Variants in RAB27B observed in about 807,000 individuals in gnomAD.
RAB27B encodes RAB27B, member RAS oncogene family, also known as ras-related protein Rab-27B.
In RAB27B, 15 loss-of-function variants were observed where a neutral mutation model predicts 24.6. That is an observed-to-expected ratio of 0.61 (90% CI 0.41 to 0.94). RAB27B has a LOEUF of 0.94. RAB27B is among the 40% of genes least tolerant of loss of function. The pLI, the probability that RAB27B is intolerant of heterozygous loss-of-function variation, is 0.00. For missense variants in RAB27B, 261 were observed against 266.8 expected (o/e 0.98, Z 0.15); for synonymous variants, 105 against 92.5 (o/e 1.14, Z -0.78).
At chr18:54,784,468 G>T (rs1909017184) in intron 2 of RAB27B, among the ~76,000 whole-genome samples, 1 of 152,048 alleles carries the variant, frequency 6.6e-6, no homozygotes, top group South Asian at 2.1e-4. Flanking sequence ...TCCCCATTTT[G>T]GAGTTCTCAG....
chr18:54,885,293 T>A (rs987630968), intron 4 of RAB27B, among the ~76,000 whole-genome samples: 43 of 152,274 alleles, frequency 2.8e-4, no homozygotes, highest in Non-Finnish European at 3.7e-4. Flanking sequence ...AGAGTTGTAT[T>A]TTTTAAAAAC....
chr18:54,830,318 A>G (rs1644282457), intron 1 of RAB27B, among the ~76,000 whole-genome samples: 1 of 152,232 alleles, frequency 6.6e-6, no homozygotes, highest in African/African-American at 2.4e-5. Context: ...GGTAGTTCAG[A>G]ATAGAAACCT....
At chr18:54,861,267 A>G (rs897511628) in intron 1 of RAB27B, among the ~76,000 whole-genome samples, 1 of 152,238 alleles carries the variant, frequency 6.6e-6, no homozygotes, top group African/African-American at 2.4e-5. Context: ...TCATTTTATT[A>G]AACAAGCCAT....
intron 2 of RAB27B, among the ~76,000 whole-genome samples, chr18:54,789,981 C>T (rs1478235507): frequency 6.6e-6 from 1 of 151,980 alleles, no homozygotes; most frequent in African/African-American, 2.4e-5. Flanking sequence ...TTAATTGATC[C>T]ATCAATTCAT....
At chr18:54,861,479 G>A (rs1912006171) in intron 1 of RAB27B, among the ~76,000 whole-genome samples, 1 of 152,112 alleles carries the variant, frequency 6.6e-6, no homozygotes, top group South Asian at 2.1e-4. Context: ...GTGCTGTTTA[G>A]CCCATTGAAT....
intron 2 of RAB27B, among the ~76,000 whole-genome samples, chr18:54,820,936 G>A (rs1422673318): frequency 6.6e-6 from 1 of 152,142 alleles, no homozygotes; most frequent in African/African-American, 2.4e-5. Context: ...TAGATATGCG[G>A]CATTATTTCT....
chr18:54,767,684 T>C (rs1908408664), intron 2 of RAB27B, among the ~76,000 whole-genome samples: 2 of 152,218 alleles, frequency 1.3e-5, no homozygotes, highest in Non-Finnish European at 2.9e-5. Flanking sequence ...TTCCATGTGG[T>C]CTGTCCACAA....
At chr18:54,813,398 T>C (rs957171613) in intron 2 of RAB27B, among the ~76,000 whole-genome samples, 1 of 152,240 alleles carries the variant, frequency 6.6e-6, no homozygotes, top group Non-Finnish European at 1.5e-5. Context: ...GATCCCCAGG[T>C]TGACAGTGGG....
At chr18:54,813,894 T>C (rs972261253) in intron 2 of RAB27B, among the ~76,000 whole-genome samples, 2 of 152,152 alleles carry the variant, frequency 1.3e-5, no homozygotes, top group South Asian at 4.2e-4. Flanking sequence ...GGATAATTAG[T>C]TGGTAAGGTC....
chr18:54,776,074 A>G (rs1247237309), intron 2 of RAB27B, among the ~76,000 whole-genome samples: 1 of 152,250 alleles, frequency 6.6e-6, no homozygotes, highest in African/African-American at 2.4e-5. Flanking sequence ...ATTTGTTTGC[A>G]AATTAAATTG....
Position 54,786,166 on chromosome 18 carries a change from T to C in RAB27B, c.-20+68025T>C, listed in dbSNP as rs570215826. Among the ~76,000 whole-genome samples, 62 of 152,356 alleles carry C rather than the reference T, an allele frequency of 4.1e-4. No homozygotes were observed. In the South Asian group the frequency reaches 0.013, roughly 32 times the overall value. On this transcript the variant is annotated intron_variant, in intron 2 of 4. Transcript: ENST00000586570. Reference sequence around the variant, plus strand: ...CCTTCCTCAGATAATGTAATGTCTGTTAGTGAAATGTCTGAGAAAGGATGT... The same window carrying C: ...CCTTCCTCAGATAATGTAATGTCTGCTAGTGAAATGTCTGAGAAAGGATGT...
intron 2 of RAB27B, among the ~76,000 whole-genome samples, chr18:54,746,955 G>T (rs546165756): frequency 2.0e-5 from 3 of 152,244 alleles, no homozygotes; most frequent in Admixed American, 2.0e-4. Flanking sequence ...GCTATGATGA[G>T]AATATGCTTC....
intron 2 of RAB27B, among the ~76,000 whole-genome samples, chr18:54,743,430 G>A (rs1910132853): frequency 6.6e-6 from 1 of 152,164 alleles, no homozygotes; most frequent in Non-Finnish European, 1.5e-5. Flanking sequence ...TATGTCAGAT[G>A]TGAATAATTA....
intron 2 of RAB27B, among the ~76,000 whole-genome samples, chr18:54,740,204 TA>T (rs1910031280): frequency 6.6e-6 from 1 of 152,206 alleles, no homozygotes; most frequent in African/African-American, 2.4e-5. Context: ...GATAAGGCAG[TA>T]ATGTTAAGGA....
chr18:54,803,128 A>T (rs1436396091), intron 2 of RAB27B, among the ~76,000 whole-genome samples: 1 of 152,230 alleles, frequency 6.6e-6, no homozygotes. Context: ...TAAGCAAGGA[A>T]AAAAATAAAT....
At chr18:54,764,443 C>A (rs752029130) in intron 2 of RAB27B, among the ~76,000 whole-genome samples, 3 of 152,070 alleles carry the variant, frequency 2.0e-5, no homozygotes, top group Non-Finnish European at 4.4e-5. Context: ...AAGCAAATAC[C>A]TGATATCTCT....
At chr18:54,779,664 G>A (rs1313351615) in intron 2 of RAB27B, among the ~76,000 whole-genome samples, 1 of 152,120 alleles carries the variant, frequency 6.6e-6, no homozygotes, top group Non-Finnish European at 1.5e-5. Flanking sequence ...CTTCAGACCA[G>A]TGATATCAGC....
chr18:54,825,342 A>G (rs1312928306), upstream of RAB27B, among the ~76,000 whole-genome samples: 1 of 152,186 alleles, frequency 6.6e-6, no homozygotes, highest in Admixed American at 6.5e-5. Flanking sequence ...CGTTTAGTGA[A>G]ACTTTCGATC....
chr18:54,728,866 ACT>A (rs1439608980), intron 2 of RAB27B, among the ~76,000 whole-genome samples: 9 of 100,292 alleles, frequency 9.0e-5, no homozygotes, highest in African/African-American at 3.7e-4. Flanking sequence ...ACAGAGTAAG[ACT>A]CTGTCTCAAA....
Sources: gnomAD v4.1 joint callset for allele counts (sites outside exome capture counted in the v4.1 genomes callset) on GRCh38, gnomAD v4.1.1 for gene constraint, MANE v1.5 for transcripts, NCBI Gene and HGNC (gene_info 2026-07-23, HGNC 2026-07-21) for gene names.